Variants in PPFIBP1 observed in about 807,000 individuals in gnomAD.
PPFIBP1 encodes PPFIB scaffold protein 1, also known as liprin-beta-1.
Under a neutral mutation model 137.8 loss-of-function variants are expected in PPFIBP1, and 112 were observed. The ratio of observed to expected loss-of-function variants is 0.81; its 90% confidence interval spans 0.70 to 0.95. The LOEUF is 0.95. PPFIBP1 is among the 40% of genes least tolerant of loss of function. The probability of loss-of-function intolerance (pLI) is 0.00; values close to 1 mark genes in which losing one functional copy is unlikely to be tolerated. For synonymous variants in PPFIBP1, 378 were observed against 417.3 expected (o/e 0.91, Z 1.15); for missense variants, 1,083 against 1,196.6 (o/e 0.91, Z 1.40).
At chr12:27,605,572 A>G (rs948408917) in intron 2 of PPFIBP1, among the ~76,000 whole-genome samples, 1 of 152,128 alleles carries the variant, frequency 6.6e-6, no homozygotes, top group Non-Finnish European at 1.5e-5. Flanking sequence ...TTAACTTAAT[A>G]TATAAAATAT....
intron 2 of PPFIBP1, among the ~76,000 whole-genome samples, chr12:27,625,412 T>A (rs1481976025): frequency 6.6e-6 from 1 of 152,156 alleles, no homozygotes; most frequent in Non-Finnish European, 1.5e-5. Flanking sequence ...TATCATTTTA[T>A]CCATGAGTAT....
Position 27,692,816 on chromosome 12 carries a change from C to T in PPFIBP1, c.2952C>T (p.Asp984=), listed in dbSNP as rs1190678911. The change falls in exon 30 of 30, where the codon GAC becomes GAT. Residue 984 remains aspartate, a synonymous_variant. Transcript: ENST00000228425. ...TCCAGCACATGTTAAAAGAAGATGA[C>T]ATGTTTAAAGATTTTGCTGCCCGTT... The part of the protein sequence containing the change: ...NNLTHMLKED[D]MFKDFAARSP... 6.2e-7 allele frequency: 1 copy of T among 1,614,140 alleles called. No homozygotes were observed. The highest frequency in any genetic ancestry group is 2.2e-5 in the East Asian group (1 of 44,880).
At chr12:27,553,471 C>T (rs981777876) in intron 1 of PPFIBP1, among the ~76,000 whole-genome samples, 1 of 152,324 alleles carries the variant, frequency 6.6e-6, no homozygotes, top group Admixed American at 6.5e-5. Context: ...CACACCATGA[C>T]ATGTGTTGGG....
chr12:27,602,524 G>T (rs997047058), intron 2 of PPFIBP1, among the ~76,000 whole-genome samples: 1 of 152,158 alleles, frequency 6.6e-6, no homozygotes, highest in African/African-American at 2.4e-5. Context: ...AGGTCTGAGG[G>T]CACCCTTTGA....
At position 27,689,042 on chromosome 12, in the gene PPFIBP1, A is replaced by G. The variant is rs1221061254; in HGVS notation, c.2524A>G (p.Thr842Ala). The change falls in exon 27 of 30, where the codon ACA becomes GCA. Residue 842 changes from threonine to alanine, a missense_variant. By Grantham distance (58) the Thr-to-Ala change is moderately conservative (BLOSUM62 0). Transcript: ENST00000228425. ...MVLEPRFNVE[T>A]MAQLLNIPPN... Reference sequence around the variant, plus strand: ...TCTAGAGCCTCGTTTTAACGTAGAAACAATGGCTCAGTTATTGAACATCCC... The same window carrying G: ...TCTAGAGCCTCGTTTTAACGTAGAAGCAATGGCTCAGTTATTGAACATCCC... 9 of 1,613,904 alleles carry G rather than the reference A, an allele frequency of 5.6e-6. No individual in the cohort carries two copies. Among genetic ancestry groups the G allele is most frequent in the Non-Finnish European group, 7.6e-6 (9 of 1,179,954 alleles).
intron 2 of PPFIBP1, among the ~76,000 whole-genome samples, chr12:27,578,604 G>A (rs906574324): frequency 5.9e-5 from 9 of 152,104 alleles, no homozygotes; most frequent in Admixed American, 5.2e-4. Flanking sequence ...CTACACCAGC[G>A]AGAATTGCTA....
intron 12 of PPFIBP1, 42 bp downstream of exon 12, chr12:27,664,488 T>A: frequency 7.5e-7 from 1 of 1,333,602 alleles, no homozygotes; most frequent in Non-Finnish European, 1.1e-6. Flanking sequence ...TGGTTGACTC[T>A]AAGTGGCTAT....
chr12:27,661,484 C>A lies in PPFIBP1; in HGVS notation c.906+539C>A, dbSNP rs113068606. 7.9e-5 allele frequency among the ~76,000 whole-genome samples: 12 copies of A among 152,320 alleles called. No individual in the cohort carries two copies. The East Asian group carries it at 1.7e-3, about 22-fold the overall frequency. On this transcript the variant is annotated intron_variant, in intron 11 of 29. Transcript: ENST00000228425. ...AAGGTTTCCACAGGTTTCCTCCCCC[C>A]CCAGTTGGTTCTTGTTATCCACATG...
chr12:27,617,669 C>T (rs2055908669), intron 2 of PPFIBP1, among the ~76,000 whole-genome samples: 1 of 152,148 alleles, frequency 6.6e-6, no homozygotes, highest in African/African-American at 2.4e-5. Context: ...AATGCAAATG[C>T]TATATAAATA....
chr12:27,665,458 C>G (rs1418866928), intron 12 of PPFIBP1, among the ~76,000 whole-genome samples: 6 of 152,022 alleles, frequency 3.9e-5, no homozygotes. Context: ...ATGGGGAAGC[C>G]TAGAGAAGGA....
intron 12 of PPFIBP1, among the ~76,000 whole-genome samples, chr12:27,665,493 G>T (rs1374111438): frequency 1.3e-5 from 2 of 152,140 alleles, no homozygotes; most frequent in Non-Finnish European, 2.9e-5. Flanking sequence ...AAGGGGGATT[G>T]AGTTCAGCTT....
At chr12:27,653,325 T>C (rs1010978286) in intron 7 of PPFIBP1, among the ~76,000 whole-genome samples, 37 of 152,128 alleles carry the variant, frequency 2.4e-4, no homozygotes, top group South Asian at 1.0e-3. Flanking sequence ...GTGGCTCACA[T>C]CTGTAATCCC....
chr12:27,532,470 T>G (rs1479045228), intron 1 of PPFIBP1, among the ~76,000 whole-genome samples: 6 of 152,086 alleles, frequency 3.9e-5, no homozygotes, highest in Non-Finnish European at 5.9e-5. Context: ...TTTTTTTTTT[T>G]TTTTACAGTA....
At chr12:27,560,607 T>G (rs2049076204) in intron 1 of PPFIBP1, among the ~76,000 whole-genome samples, 1 of 152,210 alleles carries the variant, frequency 6.6e-6, no homozygotes, top group South Asian at 2.1e-4. Context: ...GTTCTTCCTG[T>G]GAGCTCAGTA....
At chr12:27,652,698 G>A (rs2058946473) in intron 7 of PPFIBP1, among the ~76,000 whole-genome samples, 1 of 151,914 alleles carries the variant, frequency 6.6e-6, no homozygotes, top group Admixed American at 6.6e-5. Flanking sequence ...TTTCTTCTTT[G>A]CACGAGCAAA....
At chr12:27,594,882 C>T (rs1265813064) in intron 2 of PPFIBP1, among the ~76,000 whole-genome samples, 1 of 152,166 alleles carries the variant, frequency 6.6e-6, no homozygotes. Flanking sequence ...GCTATCACAT[C>T]AGTTGAAACA....
Position 27,675,084 on chromosome 12 carries a change from C to T in PPFIBP1, c.1410+863C>T, listed in dbSNP as rs568137328. Among the ~76,000 whole-genome samples, 48 of 151,652 alleles carry T rather than the reference C, an allele frequency of 3.2e-4. No individual in the cohort carries two copies. The South Asian group carries it at 9.2e-3, about 29-fold the overall frequency. ...CTTGAACTCCTGAGCTCAAGTAATC[C>T]TCCCACCTCTGCCTTTCAAAGTACT... On this transcript the variant is annotated intron_variant, in intron 17 of 29. Transcript: ENST00000228425.
chr12:27,660,753 C>T (rs1330100015), intron 10 of PPFIBP1, 131 bp from the exon 11 acceptor site: 54 of 1,360,282 alleles, frequency 4.0e-5, no homozygotes, highest in Non-Finnish European at 5.2e-5. Context: ...TAAATGTGCC[C>T]TTTTTAAAGA....
rs1008590829 is a variant in PPFIBP1, at chr12:27,562,188, A to G, written c.-123-15964A>G. 1.8e-4 allele frequency among the ~76,000 whole-genome samples: 27 copies of G among 152,148 alleles called. 1 individual carries two copies. Among genetic ancestry groups the G allele is most frequent in the Middle Eastern group, 3.4e-3 (1 of 294 alleles). ...ATTTATTTATTTGCTGTTCCTACGCAGTGACTGTATTTTGTTTATTGCTAT... is the reference window on the plus strand; with the variant it reads ...ATTTATTTATTTGCTGTTCCTACGCGGTGACTGTATTTTGTTTATTGCTAT... On this transcript the variant is annotated intron_variant, in intron 1 of 29. Coordinates refer to ENST00000228425, the MANE Select transcript of PPFIBP1 (RefSeq NM_003622.4).
Sources: gnomAD v4.1 joint callset for allele counts (sites outside exome capture counted in the v4.1 genomes callset) on GRCh38, gnomAD v4.1.1 for gene constraint, MANE v1.5 for transcripts, NCBI Gene and HGNC (gene_info 2026-07-23, HGNC 2026-07-21) for gene names.